SLCO4A1: variants seen among roughly 807,000 people sequenced by gnomAD.
SLCO4A1 encodes solute carrier organic anion transporter family member 4A1.
Under a neutral mutation model 64.6 loss-of-function variants are expected in SLCO4A1, and 51 were observed. The observed-to-expected ratio is 0.79, with a 90% CI of 0.63 to 1.00. The LOEUF is 1.00. SLCO4A1 is among the 50% of genes least tolerant of loss of function. The pLI is 0.00. For missense variants in SLCO4A1, 919 were observed against 980.5 expected (o/e 0.94, Z 0.84); for synonymous variants, 471 against 444.9 (o/e 1.06, Z -0.74).
At chr20:62,658,645 C>T (rs376414781) in intron 2 of SLCO4A1, 32 bp from the exon 3 acceptor site, 197 of 1,574,106 alleles carry the variant, frequency 1.3e-4, no homozygotes, top group Admixed American at 4.1e-4. Context: ...GGGTGGTGCA[C>T]AGCGGCCCTG....
rs968983724 is a variant in SLCO4A1 at position 62,642,522 on chromosome 20, G to T, written c.-128G>T. Reference sequence around the variant, plus strand: ...GAGGCCAGAGCGTGGAGCGCTGCGCGGCGCGGCGGCCGGGCCCTCGAGACG... The same window carrying T: ...GAGGCCAGAGCGTGGAGCGCTGCGCTGCGCGGCGGCCGGGCCCTCGAGACG... On this transcript the variant is annotated 5_prime_UTR_variant, in exon 1 of 12. Coordinates refer to ENST00000217159, the MANE Select transcript of SLCO4A1 (RefSeq NM_016354.4). The T allele has an allele frequency of 1.4e-5, 3 of 208,360 alleles. No individual in the cohort carries two copies. In the South Asian group the frequency reaches 1.6e-4, roughly 11 times the overall value. 12.9% of individuals were successfully genotyped at this position (208,360 alleles called of 1,614,324 possible).
Position 62,657,000 on chromosome 20 carries a change from G to C in SLCO4A1, c.546G>C (p.Thr182=). Residue 182 remains threonine, a synonymous_variant, in exon 2 of 12, where the codon ACG becomes ACC. Transcript: ENST00000217159. The part of the protein sequence containing the change: ...WLGWGVLLMG[T]GSLVFALPHF... ...GCTGGGGCGTGCTGCTTATGGGCAC[G>C]GGGTCGCTGGTGTTCGCGCTGCCCC... 6.4e-7 allele frequency: 1 copy of C among 1,574,550 alleles called. No individual in the cohort carries two copies. The highest frequency in any genetic ancestry group is 1.1e-5 in the South Asian group (1 of 87,146).
intron 5 of SLCO4A1, among the ~76,000 whole-genome samples, chr20:62,662,041 A>G (rs1985055314): frequency 6.6e-6 from 1 of 152,152 alleles, no homozygotes; most frequent in Non-Finnish European, 1.5e-5. Context: ...CCCTGAGCTC[A>G]CAAATGGCTG....
chr20:62,671,759 G>C lies in SLCO4A1; in HGVS notation c.2035G>C (p.Val679Leu), dbSNP rs148916720. The stretch of plus-strand genomic sequence containing the variant: ...GCTCCTCTCTCCCCAGGTGCTGGGC[G>C]TCCTCTTCTTTGCCATAGCCTGCTT... ...IMGLLYKVLG[V>L]LFFAIACFLY... Residue 679 changes from valine to leucine, a missense_variant, in exon 12 of 12, where the codon GTC becomes CTC. Coordinates refer to ENST00000217159, the MANE Select transcript of SLCO4A1 (RefSeq NM_016354.4). 4 of 1,613,314 alleles carry C rather than the reference G, an allele frequency of 2.5e-6. No individual in the cohort carries two copies. Among genetic ancestry groups the C allele is most frequent in the Non-Finnish European group, 3.4e-6 (4 of 1,179,822 alleles).
chr20:62,661,041 C>CCAGCCCG lies in SLCO4A1; in HGVS notation c.1010-23_1010-22insCAGCCCG. 1 of 1,424,144 alleles carries CCAGCCCG rather than the reference C, an allele frequency of 7.0e-7. No homozygotes were observed. The highest frequency in any genetic ancestry group is 9.9e-7 in the Non-Finnish European group (1 of 1,010,142). 88.2% of individuals were successfully genotyped at this position (1,424,144 alleles called of 1,614,324 possible). A position where few individuals can be genotyped will look rare whatever the true frequency, so the allele number is the denominator to read the frequency against. On this transcript the variant is annotated intron_variant, in intron 4 of 11. Coordinates refer to ENST00000217159, the MANE Select transcript of SLCO4A1 (RefSeq NM_016354.4). The surrounding 1 kb of genome is among the most constrained non-coding windows in gnomAD (Gnocchi z 5.2). ...TCCGGGAGCCCCCAGCCCCCAGCCC[C>CCAGCCCG]AGCTCACTCTGTGCCCTTCCAGGCT...
At chr20:62,653,173 C>A (rs1341999790) in intron 1 of SLCO4A1, among the ~76,000 whole-genome samples, 1 of 152,238 alleles carries the variant, frequency 6.6e-6, no homozygotes, top group East Asian at 1.9e-4. Flanking sequence ...CTGAGGCATC[C>A]ATTCGCTGAG....
intron 2 of SLCO4A1, among the ~76,000 whole-genome samples, chr20:62,684,952 T>C (rs1442213889): frequency 6.6e-6 from 1 of 151,786 alleles, no homozygotes; most frequent in East Asian, 1.9e-4. Context: ...CTCTCCACTT[T>C]CCCCAGAAAG....
intron 1 of SLCO4A1, chr20:62,651,895 G>C (rs1177751453): frequency 6.6e-6 from 1 of 152,290 alleles, no homozygotes; most frequent in Non-Finnish European, 1.5e-5. Context: ...GCGTTGAGCG[G>C]GTGTTTCACG....
In SLCO4A1 at chr20:62,667,850, C is replaced by T; in HGVS notation, c.1578C>T (p.Tyr526=). ...TGTGCGGCTCGGACGGCCTCATGTACTTCTCACTGTGCCACGCAGGGTGCC... is the reference window on the plus strand; with the variant it reads ...TGTGCGGCTCGGACGGCCTCATGTATTTCTCACTGTGCCACGCAGGGTGCC... ...SPVCGSDGLM[Y]FSLCHAGCPA... The change falls in exon 8 of 12, where the codon TAC becomes TAT. Residue 526 remains tyrosine (Y), a synonymous_variant. Coordinates refer to ENST00000217159, the MANE Select transcript of SLCO4A1 (RefSeq NM_016354.4). 5 of 1,613,696 alleles carry T rather than the reference C, an allele frequency of 3.1e-6. No individual in the cohort carries two copies. The highest frequency in any genetic ancestry group is 2.2e-5 in the South Asian group (2 of 91,088).
chr20:62,686,973 G>A (rs1414766014), downstream of SLCO4A1, among the ~76,000 whole-genome samples: 14 of 150,330 alleles, frequency 9.3e-5, no homozygotes, highest in South Asian at 8.4e-4. Context: ...CAATGGGAAC[G>A]GCACCCCCAA....
intron 2 of SLCO4A1, among the ~76,000 whole-genome samples, chr20:62,683,772 C>T (rs1056085050): frequency 4.6e-5 from 7 of 152,190 alleles, no homozygotes; most frequent in South Asian, 2.1e-4. Context: ...CTGCGGTGTT[C>T]GCAACCAAAC....
In SLCO4A1 at chr20:62,667,072, C is replaced by T. The variant is rs114180592; in HGVS notation, c.1472+497C>T. Among the ~76,000 whole-genome samples, 601 of 152,360 alleles carry T rather than the reference C, an allele frequency of 3.9e-3. 5 individuals carry two copies. Among genetic ancestry groups the T allele is most frequent in the African/African-American group, 0.013 (545 of 41,596 alleles). On this transcript the variant is annotated intron_variant, in intron 7 of 11. Transcript: ENST00000217159. ...CGGGAGTGCACCTGCAGGTGCCGTG[C>T]AAGGCCGAGAAGCACAAAGCAGCCG... is the stretch of plus-strand genomic sequence containing the variant.
Position 62,666,569 on chromosome 20 carries a change from G to A in SLCO4A1, c.1466G>A (p.Gly489Asp). Residue 489 changes from glycine to aspartate, a missense_variant, in exon 7 of 12, where the codon GGC (glycine) becomes GAC (aspartate). Coordinates refer to ENST00000217159, the MANE Select transcript of SLCO4A1 (RefSeq NM_016354.4). The part of the protein sequence containing the change: ...VPMAGVTASY[G>D]GSLLPEGHLN... ...ATGGCGGGCGTCACAGCCAGCTACG[G>A]CGGGAGGTGAGGGCCAGATGGCACC... 1 of 1,612,202 alleles carries A rather than the reference G, an allele frequency of 6.2e-7. No individual in the cohort carries two copies. Among genetic ancestry groups the A allele is most frequent in the Middle Eastern group, 1.7e-4 (1 of 6,056 alleles).
In SLCO4A1 at chr20:62,654,993, G is replaced by T. The variant is rs562378268; in HGVS notation, c.-96-1366G>T. 2.0e-5 allele frequency among the ~76,000 whole-genome samples: 3 copies of T among 152,172 alleles called. No individual in the cohort carries two copies. In the South Asian group the frequency reaches 6.2e-4, roughly 32 times the overall value. ...ATTCCCTTTTTATAATATGGACACC[G>T]GTCAGATTGGATCAGGGCCCACCCA... is the stretch of plus-strand genomic sequence containing the variant. On this transcript the variant is annotated intron_variant, in intron 1 of 11. Coordinates refer to ENST00000217159, the MANE Select transcript of SLCO4A1 (RefSeq NM_016354.4).
chr20:62,680,771 G>C (rs1987790283), intron 2 of SLCO4A1, among the ~76,000 whole-genome samples: 1 of 152,104 alleles, frequency 6.6e-6, no homozygotes, highest in African/African-American at 2.4e-5. Flanking sequence ...TCAATTTGCT[G>C]GTGTTGAGTT....
At chr20:62,647,301 TG>T (rs1981526776) in intron 1 of SLCO4A1, among the ~76,000 whole-genome samples, 1 of 152,004 alleles carries the variant, frequency 6.6e-6, no homozygotes, top group Admixed American at 6.5e-5. Context: ...AGCAGGCAGG[TG>T]CTCAGGGCGG....
intron 2 of SLCO4A1, among the ~76,000 whole-genome samples, chr20:62,679,977 A>C (rs1471932219): frequency 6.6e-6 from 1 of 152,200 alleles, no homozygotes; most frequent in Non-Finnish European, 1.5e-5. Flanking sequence ...AGTTTCTAAG[A>C]ATCTTTGGGG....
At chr20:62,667,979 C>T in intron 8 of SLCO4A1, 33 bp from the exon 9 acceptor site, 2 of 1,614,034 alleles carry the variant, frequency 1.2e-6, no homozygotes, top group Non-Finnish European at 1.7e-6. Flanking sequence ...CGTGCCTTCC[C>T]CTTGTAATCG....
At chr20:62,675,149 A>G (rs1334746849), downstream of SLCO4A1, among the ~76,000 whole-genome samples, 1 of 152,198 alleles carries the variant, frequency 6.6e-6, no homozygotes. Context: ...CACAGGGCAC[A>G]CAGTGGAGGC....
Sources: allele counts gnomAD v4.1 joint callset (sites outside exome capture counted in the v4.1 genomes callset), GRCh38; gene constraint gnomAD v4.1.1; non-coding constraint Gnocchi (gnomAD v3.1); transcripts MANE v1.5; gene names NCBI Gene and HGNC (gene_info 2026-07-23, HGNC 2026-07-21).